Variants in ITGBL1 observed in about 807,000 individuals in gnomAD.
ITGBL1 encodes integrin beta-like protein 1.
A neutral mutation model predicts 68.5 loss-of-function variants in ITGBL1; 51 were observed. The ratio of observed to expected loss-of-function variants is 0.74; its 90% CI spans 0.59 to 0.94. The LOEUF is 0.94. Among genes scored for constraint, ITGBL1 ranks in the 40% least tolerant of loss-of-function variants. ITGBL1 has a pLI of 0.00. For missense variants in ITGBL1, 649 were observed against 647.4 expected, an observed-to-expected ratio of 1.00 and a Z score of -0.03; for synonymous variants, 209 against 227.3, an observed-to-expected ratio of 0.92 and a Z score of 0.72.
rs528722395 is a variant in ITGBL1, at chr13:101,472,658, CT to C, written c.316+18559del. On this transcript the variant is annotated intron_variant, in intron 2 of 10. Coordinates refer to ENST00000376180, the MANE Select transcript of ITGBL1 (RefSeq NM_004791.3). ...ACACAGGCATTGGGTGGCCAGTCAA[CT>C]GTTTTAAATTAACTGACAATGCTAT... 4.2e-4 allele frequency among the ~76,000 whole-genome samples: 64 copies of C among 152,098 alleles called. No homozygotes were observed. The Middle Eastern group carries it at 0.02, about 49-fold the overall frequency.
At chr13:101,609,700 T>C (rs2139363776) in intron 7 of ITGBL1, among the ~76,000 whole-genome samples, 1 of 152,278 alleles carries the variant, frequency 6.6e-6, no homozygotes, top group Admixed American at 6.5e-5. Flanking sequence ...ATTTAATACT[T>C]TTGTTTATTT....
intron 3 of ITGBL1, among the ~76,000 whole-genome samples, chr13:101,569,642 A>T (rs1340896618): frequency 1.3e-5 from 2 of 152,172 alleles, no homozygotes. Context: ...GCTTTAGAGC[A>T]TTGAAACTTG....
chr13:101,709,526 TA>T (rs2034365190), intron 9 of ITGBL1, among the ~76,000 whole-genome samples: 1 of 151,994 alleles, frequency 6.6e-6, no homozygotes, highest in South Asian at 2.1e-4. Context: ...GTTTTTGAAT[TA>T]GATTTTTTTT....
At chr13:101,671,426 G>GTTTTTTTTTTTTTTTTTTTTTTT (rs66501713) in intron 7 of ITGBL1, among the ~76,000 whole-genome samples, 4 of 112,652 alleles carry the variant, frequency 3.6e-5, no homozygotes, top group South Asian at 3.6e-4. Flanking sequence ...GTATACCTTT[G>GTTTTTTTTTTTTTTTTTTTTTTT]TTTTTTTTTT....
At chr13:101,584,117 G>A (rs900203466) in intron 6 of ITGBL1, among the ~76,000 whole-genome samples, 4 of 152,144 alleles carry the variant, frequency 2.6e-5, no homozygotes, top group African/African-American at 9.7e-5. Context: ...TCAATTAGTA[G>A]ATTCAAAAAT....
intron 7 of ITGBL1, among the ~76,000 whole-genome samples, chr13:101,641,095 G>T (rs1284476702): frequency 6.6e-6 from 1 of 152,104 alleles, no homozygotes. Flanking sequence ...TGTTTCATGT[G>T]TATATATGAG....
At chr13:101,522,797 C>T (rs1030575633) in intron 2 of ITGBL1, among the ~76,000 whole-genome samples, 21 of 152,122 alleles carry the variant, frequency 1.4e-4, no homozygotes, top group African/African-American at 4.3e-4. Flanking sequence ...GAGCTTTAAA[C>T]CCAGACACAA....
intron 7 of ITGBL1, among the ~76,000 whole-genome samples, chr13:101,686,290 A>G (rs1594980054): frequency 6.6e-6 from 1 of 152,042 alleles, no homozygotes; most frequent in Non-Finnish European, 1.5e-5. Context: ...TTCTCCTTTT[A>G]GCTGCCTTTG....
rs536751655 is a variant in ITGBL1, at chr13:101,497,502, G to A, written c.316+43402G>A. On this transcript the variant is annotated intron_variant, in intron 2 of 10. Transcript: ENST00000376180. Reference sequence around the variant, plus strand: ...TTGCAATGTCAATTTTTCCTGTTTCGTTGGACCAGGACATGTAAACCATGG... The same window carrying A: ...TTGCAATGTCAATTTTTCCTGTTTCATTGGACCAGGACATGTAAACCATGG... Among the ~76,000 whole-genome samples the A allele has an allele frequency of 7.2e-5, 11 of 152,272 alleles. No individual in the cohort carries two copies. The South Asian group carries it at 1.2e-3, about 17-fold the overall frequency.
At chr13:101,565,338 A>T (rs2050167790) in intron 2 of ITGBL1, among the ~76,000 whole-genome samples, 1 of 152,108 alleles carries the variant, frequency 6.6e-6, no homozygotes, top group Non-Finnish European at 1.5e-5. Context: ...GTAAATATAT[A>T]TTTATCTTTA....
At chr13:101,648,133 G>A (rs1032431897) in intron 7 of ITGBL1, among the ~76,000 whole-genome samples, 1 of 152,096 alleles carries the variant, frequency 6.6e-6, no homozygotes, top group African/African-American at 2.4e-5. Context: ...ATTATTTCAG[G>A]AGAATTATTA....
chr13:101,517,152 G>T (rs2049208171), intron 2 of ITGBL1, among the ~76,000 whole-genome samples: 1 of 151,992 alleles, frequency 6.6e-6, no homozygotes, highest in African/African-American at 2.4e-5. Flanking sequence ...TCTGCCCCTA[G>T]CTATATTTTA....
chr13:101,498,571 T>G (rs2048891791), intron 2 of ITGBL1, among the ~76,000 whole-genome samples: 1 of 152,174 alleles, frequency 6.6e-6, no homozygotes, highest in Admixed American at 6.5e-5. Context: ...CAAGGCTTTA[T>G]GATTTTATGA....
intron 7 of ITGBL1, among the ~76,000 whole-genome samples, chr13:101,666,484 C>T (rs1594966165): frequency 6.8e-6 from 1 of 147,834 alleles, no homozygotes; most frequent in South Asian, 2.2e-4. Context: ...TGGATTTCTG[C>T]AGAACTTACA....
chr13:101,644,476 T>G (rs1258974657), intron 7 of ITGBL1, among the ~76,000 whole-genome samples: 1 of 152,128 alleles, frequency 6.6e-6, no homozygotes, highest in East Asian at 1.9e-4. Flanking sequence ...CTTGGAGATA[T>G]TAAGTAGGAT....
intron 2 of ITGBL1, among the ~76,000 whole-genome samples, chr13:101,464,218 G>A (rs576932558): frequency 1.7e-4 from 26 of 152,192 alleles, no homozygotes; most frequent in African/African-American, 6.3e-4. Flanking sequence ...AACTCCCAAT[G>A]CTTTGTTATG....
chr13:101,528,027 C>T (rs1175867838), intron 2 of ITGBL1, among the ~76,000 whole-genome samples: 3 of 148,092 alleles, frequency 2.0e-5, no homozygotes, highest in African/African-American at 7.7e-5. Context: ...TGCTAAAATC[C>T]AATTTGTAGA....
chr13:101,497,104 G>A (rs910972446), intron 2 of ITGBL1, among the ~76,000 whole-genome samples: 2 of 152,184 alleles, frequency 1.3e-5, no homozygotes, highest in Non-Finnish European at 2.9e-5. Context: ...GAAAAGAGAG[G>A]GAGAGTTGTC....
chr13:101,547,172 A>C (rs2049840561), intron 2 of ITGBL1, among the ~76,000 whole-genome samples: 1 of 144,328 alleles, frequency 6.9e-6, no homozygotes, highest in South Asian at 2.2e-4. Context: ...TTAGCACTTT[A>C]TTTTCCTTTT....
Sources: gnomAD v4.1 joint callset for allele counts (sites outside exome capture counted in the v4.1 genomes callset) on GRCh38, gnomAD v4.1.1 for gene constraint, MANE v1.5 for transcripts, NCBI Gene and HGNC (gene_info 2026-07-23, HGNC 2026-07-21) for gene names.